The following ARHGEF28 variants were observed in gnomAD, a reference collection of about 807,000 sequenced individuals.
ARHGEF28 encodes Rho guanine nucleotide exchange factor 28, also known as 190 kDa guanine nucleotide exchange factor.
A neutral mutation model predicts 206.6 loss-of-function variants in ARHGEF28; 152 were observed. The observed-to-expected ratio is 0.74, with a 90% CI of 0.64 to 0.84. The LOEUF is 0.84. Ranked by LOEUF, ARHGEF28 falls within the 40% of genes least tolerant of loss-of-function variation. The pLI is 0.00. For synonymous variants in ARHGEF28, 763 were observed against 776.4 expected, an observed-to-expected ratio of 0.98 and a Z score of 0.29; for missense variants, 2,028 against 2,073.2, an observed-to-expected ratio of 0.98 and a Z score of 0.42.
chr5:73,688,151 A>G (rs1262651577), intron 2 of ARHGEF28, among the ~76,000 whole-genome samples: 3 of 152,208 alleles, frequency 2.0e-5, no homozygotes, highest in Non-Finnish European at 2.9e-5. Flanking sequence ...ATGTTAATGC[A>G]CTAGAAAATC....
intron 1 of ARHGEF28, among the ~76,000 whole-genome samples, chr5:73,677,110 G>A (rs1320598002): frequency 6.6e-6 from 1 of 152,228 alleles, no homozygotes; most frequent in Non-Finnish European, 1.5e-5. Context: ...TTAGAGAATA[G>A]ATGCCAGCAT....
chr5:73,890,106 T>G lies in ARHGEF28; in HGVS notation c.3388-1946T>G, dbSNP rs78012852. Among the ~76,000 whole-genome samples, 413 of 152,328 alleles carry G rather than the reference T, an allele frequency of 2.7e-3. 13 individuals carry two copies. The East Asian group carries it at 0.072, about 26-fold the overall frequency. ...GGTACTTCCATTCCTGGAGAGTTAA[T>G]TTGAATGTTTGTTCATCTCCAGTGT... On this transcript the variant is annotated intron_variant, in intron 26 of 35. Transcript: ENST00000513042.
chr5:73,912,134 A>G, intron 35 of ARHGEF28, among the ~76,000 whole-genome samples: 1 of 152,142 alleles, frequency 6.6e-6, no homozygotes, highest in Non-Finnish European at 1.5e-5. Flanking sequence ...TGCTAATCCC[A>G]TTAAAGCATT....
At chr5:73,911,642 C>T in intron 35 of ARHGEF28, 67 bp downstream of exon 35, 3 of 1,458,064 alleles carry the variant, frequency 2.1e-6, no homozygotes, top group East Asian at 2.5e-5. Context: ...ATGGTTGGCT[C>T]TTGTGTAGAG....
At chr5:73,882,739 G>T in intron 23 of ARHGEF28, 145 bp downstream of exon 23, 1 of 766,186 alleles carries the variant, frequency 1.3e-6, no homozygotes, top group Non-Finnish European at 2.0e-6. Context: ...TGTGACAAAG[G>T]TGGAAAGTCT....
chr5:73,928,558 C>G (rs1763942999), intron 35 of ARHGEF28, among the ~76,000 whole-genome samples: 1 of 152,106 alleles, frequency 6.6e-6, no homozygotes, highest in Non-Finnish European at 1.5e-5. Context: ...GCCTTCTTCT[C>G]TGGCTCAAAG....
At chr5:73,726,521 A>G (rs1330887101) in intron 2 of ARHGEF28, among the ~76,000 whole-genome samples, 1 of 152,216 alleles carries the variant, frequency 6.6e-6, no homozygotes, top group East Asian at 1.9e-4. Context: ...TTAACAGAAA[A>G]TTGATTGGCC....
chr5:73,892,217 C>T lies in ARHGEF28; in HGVS notation c.3553C>T (p.Gln1185Ter). 6.4e-7 allele frequency: 1 copy of T among 1,563,974 alleles called. No homozygotes were observed. Among genetic ancestry groups the T allele is most frequent in the Non-Finnish European group, 8.7e-7 (1 of 1,152,870 alleles). ...CAATAACTGGATGAGACGGATCCAG[C>T]AGGCTGTAGAAAGGTAACATTTCCT... ...ERNNWMRRIQ[Q>*]AVESCPEEKG... Residue 1185 changes from glutamine to a stop codon, truncating the protein, a stop_gained, in exon 27 of 36, where the codon CAG becomes TAG. Transcript: ENST00000513042. LOFTEE classifies it high-confidence loss of function.
At chr5:73,643,369 A>G (rs1744238891) in intron 1 of ARHGEF28, among the ~76,000 whole-genome samples, 2 of 152,230 alleles carry the variant, frequency 1.3e-5, no homozygotes. Context: ...AATTTCTAAA[A>G]ACTGAAAAAT....
chr5:73,801,308 G>C (rs1393208047), intron 9 of ARHGEF28, among the ~76,000 whole-genome samples: 2 of 152,008 alleles, frequency 1.3e-5, no homozygotes, highest in East Asian at 3.9e-4. Context: ...TTAGCCAGGC[G>C]TGGTGGTAGG....
chr5:73,913,975 A>G (rs1221783798), intron 35 of ARHGEF28, among the ~76,000 whole-genome samples: 1 of 152,172 alleles, frequency 6.6e-6, no homozygotes, highest in East Asian at 1.9e-4. Context: ...GAAAATGTGA[A>G]TTTCTGGAAC....
chr5:73,675,753 A>AG (rs1321830329), intron 1 of ARHGEF28, among the ~76,000 whole-genome samples: 31 of 151,088 alleles, frequency 2.1e-4, no homozygotes, highest in African/African-American at 7.3e-4. Context: ...AAAAAAAAAA[A>AG]AGAAAATAAG....
chr5:73,864,441 G>T (rs550894821), intron 16 of ARHGEF28, among the ~76,000 whole-genome samples: 9 of 152,132 alleles, frequency 5.9e-5, no homozygotes, highest in Non-Finnish European at 1.2e-4. Context: ...CCCAGTGTGG[G>T]AGTGGGGAGT....
chr5:73,805,164 A>G (rs1443431667), intron 9 of ARHGEF28, among the ~76,000 whole-genome samples: 2 of 152,160 alleles, frequency 1.3e-5, no homozygotes, highest in Non-Finnish European at 2.9e-5. Context: ...TGGCTCTTGT[A>G]TCCTTTTTAC....
At chr5:73,813,092 A>G (rs780987195) in intron 9 of ARHGEF28, among the ~76,000 whole-genome samples, 1 of 152,134 alleles carries the variant, frequency 6.6e-6, no homozygotes, top group Non-Finnish European at 1.5e-5. Flanking sequence ...GTCCACACAC[A>G]TAAACCTCAA....
At chr5:73,923,199 A>G in intron 35 of ARHGEF28, 1 of 1,517,938 alleles carries the variant, frequency 6.6e-7, no homozygotes, top group Non-Finnish European at 8.8e-7. Context: ...GCCTTCTTTT[A>G]GGGTACTCCA....
intron 1 of ARHGEF28, among the ~76,000 whole-genome samples, chr5:73,645,733 A>G (rs1383427485): frequency 6.6e-6 from 1 of 152,160 alleles, no homozygotes; most frequent in Middle Eastern, 3.2e-3. Context: ...TAACTCTTTT[A>G]TTCTCCATTT....
chr5:73,791,250 A>C (rs1003070825), intron 7 of ARHGEF28, among the ~76,000 whole-genome samples: 3 of 152,216 alleles, frequency 2.0e-5, no homozygotes, highest in Non-Finnish European at 4.4e-5. Flanking sequence ...CTCTCCCAGA[A>C]TTTACAGCCT....
At chr5:73,766,831 A>G (rs906089954) in intron 4 of ARHGEF28, among the ~76,000 whole-genome samples, 1 of 152,262 alleles carries the variant, frequency 6.6e-6, no homozygotes, top group African/African-American at 2.4e-5. Context: ...CTCATAGCAA[A>G]TCTGTTCCAT....
Sources: gnomAD v4.1 joint callset for allele counts (sites outside exome capture counted in the v4.1 genomes callset) on GRCh38, gnomAD v4.1.1 for gene constraint, MANE v1.5 for transcripts, NCBI Gene and HGNC (gene_info 2026-07-23, HGNC 2026-07-21) for gene names.